The following NOXRED1 variants were observed in gnomAD, a reference collection of about 807,000 sequenced individuals.
NOXRED1 encodes the protein NADP-dependent oxidoreductase domain-containing protein 1.
Under a neutral mutation model 30.4 loss-of-function variants are expected in NOXRED1, and 20 were observed. The observed-to-expected ratio is 0.66, with a 90% CI of 0.46 to 0.96. The LOEUF is 0.96. NOXRED1 is among the 40% of genes least tolerant of loss of function. NOXRED1 has a pLI of 0.00. For synonymous variants in NOXRED1, 155 were observed against 168.0 expected, an observed-to-expected ratio of 0.92 and a Z score of 0.60; for missense variants, 374 against 428.0, an observed-to-expected ratio of 0.87 and a Z score of 1.11.
At chr14:77,416,617 C>A (rs531877794) in intron 1 of NOXRED1, among the ~76,000 whole-genome samples, 1 of 152,234 alleles carries the variant, frequency 6.6e-6, no homozygotes, top group East Asian at 1.9e-4. Context: ...TACACAGACA[C>A]GGCAACCATC....
In NOXRED1 at chr14:77,394,897, T is replaced by A. The variant is rs910157263; in HGVS notation, c.906-92A>T. 2.7e-4 allele frequency: 226 copies of A among 848,284 alleles called. 1 individual carries two copies. Among genetic ancestry groups the A allele is most frequent in the Non-Finnish European group, 3.9e-4 (208 of 538,278 alleles). The allele number at this position is 848,284 out of a possible 1,614,324, so 52.5% of individuals were successfully genotyped here. On this transcript the variant is annotated intron_variant, in intron 5 of 5. Coordinates refer to ENST00000380835, the MANE Select transcript of NOXRED1 (RefSeq NM_001113475.3). ...CATCTTTTAAAGAAAGTTTTCCTCA[T>A]TACCTTTTCATAAACTAGAAACATT...
At position 77,394,828 on chromosome 14, in the gene NOXRED1, A is replaced by G. The variant is rs1336355220; in HGVS notation, c.906-23T>C. On this transcript the variant is annotated intron_variant, in intron 5 of 5. Coordinates refer to ENST00000380835, the MANE Select transcript of NOXRED1 (RefSeq NM_001113475.3). ...GGCCTGAGGTGAAAAAAATATTGTTACTTTTTTATGTCTGTTCAGTATATC... is the reference window on the plus strand; with the variant it reads ...GGCCTGAGGTGAAAAAAATATTGTTGCTTTTTTATGTCTGTTCAGTATATC... The G allele has an allele frequency of 2.5e-6, 4 of 1,581,962 alleles. No homozygotes were observed. In the Admixed American group the frequency reaches 5.1e-5, roughly 20 times the overall value.
intron 1 of NOXRED1, among the ~76,000 whole-genome samples, chr14:77,414,555 G>A (rs986201153): frequency 3.9e-5 from 6 of 152,084 alleles, no homozygotes; most frequent in East Asian, 3.8e-4. Flanking sequence ...TAAGTACTTC[G>A]GAGATAAGAC....
chr14:77,402,171 A>G (rs972751927), intron 5 of NOXRED1, among the ~76,000 whole-genome samples: 1 of 152,230 alleles, frequency 6.6e-6, no homozygotes, highest in African/African-American at 2.4e-5. Context: ...AACAATTGAC[A>G]AGGTGGACAT....
At chr14:77,412,453 C>T (rs1894685789) in intron 2 of NOXRED1, among the ~76,000 whole-genome samples, 1 of 152,138 alleles carries the variant, frequency 6.6e-6, no homozygotes, top group Admixed American at 6.5e-5. Context: ...AGACTGTGCT[C>T]AAAGCCTGCT....
chr14:77,420,567 C>G (rs1341697234), intron 1 of NOXRED1, among the ~76,000 whole-genome samples: 3 of 151,948 alleles, frequency 2.0e-5, no homozygotes, highest in African/African-American at 7.3e-5. Context: ...TTTGCCCAGC[C>G]TAGTTGTTTT....
intron 1 of NOXRED1, among the ~76,000 whole-genome samples, chr14:77,415,224 A>C (rs931441682): frequency 4.1e-4 from 62 of 151,250 alleles, no homozygotes; most frequent in East Asian, 1.9e-4. Context: ...ACACACCATG[A>C]ACTTCACCAT....
In NOXRED1 at chr14:77,414,015, G is replaced by A; in HGVS notation, c.268C>T (p.Gln90Ter). ...AGCTGCAGCAGTGTGCCAGCCAGCT[G>A]CTTCCCAAGGTGGCCACCTCCAATG... The part of the protein sequence containing the change: ...GIIGGGHLGK[Q>*]LAGTLLQLGP... Residue 90 changes from glutamine (Q) to a stop codon, truncating the protein, a stop_gained, in exon 2 of 6, where the codon CAG becomes TAG. Transcript: ENST00000380835. LOFTEE classifies it high-confidence loss of function. The A allele has an allele frequency of 6.2e-7, 1 of 1,612,382 alleles. No homozygotes were observed. Among genetic ancestry groups the A allele is most frequent in the South Asian group, 1.1e-5 (1 of 90,898 alleles).
chr14:77,405,614 A>G (rs1894436379), intron 5 of NOXRED1, among the ~76,000 whole-genome samples: 1 of 152,222 alleles, frequency 6.6e-6, no homozygotes, highest in Non-Finnish European at 1.5e-5. Context: ...AAAGCAGAAT[A>G]TATAGTTCCC....
At chr14:77,396,520 A>G (rs8012548) in intron 5 of NOXRED1, among the ~76,000 whole-genome samples, 40,661 of 151,996 alleles carry the variant, frequency 0.27, 5,757 homozygotes, top group African/African-American at 0.33. Context: ...AAGTGCTGGG[A>G]TTACAGGCAT....
At chr14:77,409,101 A>G (rs917116338) in intron 2 of NOXRED1, among the ~76,000 whole-genome samples, 1 of 152,062 alleles carries the variant, frequency 6.6e-6, no homozygotes, top group Admixed American at 6.6e-5. Flanking sequence ...AAAACAGAAT[A>G]TAACAGACAT....
At position 77,406,138 on chromosome 14, in the gene NOXRED1, A is replaced by T; in HGVS notation, c.683-3T>A. 1 of 1,600,866 alleles carries T rather than the reference A, an allele frequency of 6.2e-7. No homozygotes were observed. Among genetic ancestry groups the T allele is most frequent in the Non-Finnish European group, 8.6e-7 (1 of 1,168,584 alleles). ...CTTGATATTGAGGATTATTCCCCCT[A>T]CACATCAATGAGAAGGTAAATACCA... On this transcript the variant is annotated splice_region_variant and splice_polypyrimidine_tract_variant and intron_variant, in intron 4 of 5. Transcript: ENST00000380835.
chr14:77,406,355 C>T (rs538428098), intron 4 of NOXRED1: 1 of 598,062 alleles, frequency 1.7e-6, no homozygotes, highest in South Asian at 2.1e-5. Context: ...ACAGATACAA[C>T]TAATGTAGAC....
intron 1 of NOXRED1, among the ~76,000 whole-genome samples, chr14:77,418,924 A>G (rs1210393533): frequency 6.6e-6 from 1 of 152,152 alleles, no homozygotes; most frequent in East Asian, 1.9e-4. Flanking sequence ...CCTTTGCCAG[A>G]GAGCTTTTTA....
At chr14:77,402,191 AT>A (rs1894346401) in intron 5 of NOXRED1, among the ~76,000 whole-genome samples, 1 of 152,280 alleles carries the variant, frequency 6.6e-6, no homozygotes, top group South Asian at 2.1e-4. Context: ...TAATTAAAGA[AT>A]TTAAATAACT....
intron 2 of NOXRED1, among the ~76,000 whole-genome samples, chr14:77,413,729 G>A (rs1410452222): frequency 6.6e-6 from 1 of 152,026 alleles, no homozygotes; most frequent in African/African-American, 2.4e-5. Flanking sequence ...GAGGAGACAT[G>A]GATATAAAAC....
chr14:77,407,580 C>A lies in NOXRED1; in HGVS notation c.415G>T (p.Val139Leu). 1 of 1,614,050 alleles carries A rather than the reference C, an allele frequency of 6.2e-7. No homozygotes were observed. The highest frequency in any genetic ancestry group is 8.5e-7 in the Non-Finnish European group (1 of 1,179,882). The change falls in exon 3 of 6, where the codon GTG becomes TTG. Residue 139 changes from valine (V) to leucine (L), a missense_variant. Val to Leu is a conservative substitution (Grantham distance 32). Transcript: ENST00000380835. ...HNADLVSWAD[V>L]IFLCCLPSQL... Reference sequence around the variant, plus strand: ...GACGGCAAGCAGCAGAGGAATATCACATCGGCCCAACTCACCAGATCAGCG... The same window carrying A: ...GACGGCAAGCAGCAGAGGAATATCAAATCGGCCCAACTCACCAGATCAGCG...
At position 77,406,737 on chromosome 14, in the gene NOXRED1, G is replaced by C. The variant is rs138208268; in HGVS notation, c.669C>G (p.Pro223=). 4.3e-4 allele frequency: 696 copies of C among 1,614,102 alleles called. 2 individuals are homozygous for C. The African/African-American group carries it at 8.0e-3, about 19-fold the overall frequency. The change falls in exon 4 of 6, where the codon CCC becomes CCG. Residue 223 remains proline (P), a synonymous_variant. Coordinates refer to ENST00000380835, the MANE Select transcript of NOXRED1 (RefSeq NM_001113475.3). ...QDPTILQATC[P]YSPAGGIILN... ...TTGAGCCGTGACCAGCAGGACTGTAGGGACAGGTAGCTTGAAGAATCGTAG... is the reference window on the plus strand; with the variant it reads ...TTGAGCCGTGACCAGCAGGACTGTACGGACAGGTAGCTTGAAGAATCGTAG...
chr14:77,421,825 A>G (rs562532045), intron 1 of NOXRED1, among the ~76,000 whole-genome samples: 14 of 152,350 alleles, frequency 9.2e-5, no homozygotes, highest in Non-Finnish European at 1.6e-4. Flanking sequence ...TCTAAGCAAC[A>G]TAAGTCACTC....
Sources: allele counts gnomAD v4.1 joint callset (sites outside exome capture counted in the v4.1 genomes callset), GRCh38; gene constraint gnomAD v4.1.1; transcripts MANE v1.5; gene names NCBI Gene and HGNC (gene_info 2026-07-23, HGNC 2026-07-21).